IARS2: variants seen among roughly 807,000 people sequenced by gnomAD.
IARS2 encodes isoleucine--tRNA ligase, mitochondrial.
A neutral mutation model predicts 126.3 loss-of-function variants in IARS2; 56 were observed. That is an observed-to-expected ratio of 0.44 (90% CI 0.36 to 0.55). IARS2 has a LOEUF of 0.55. Among genes scored for constraint, IARS2 ranks in the 20% least tolerant of loss-of-function variants. The pLI is 0.00. For synonymous variants in IARS2, 407 were observed against 441.1 expected, an observed-to-expected ratio of 0.92 and a Z score of 0.97; for missense variants, 1,127 against 1,245.9, an observed-to-expected ratio of 0.90 and a Z score of 1.44.
intron 3 of IARS2, among the ~76,000 whole-genome samples, chr1:220,101,836 T>C (rs911489976): frequency 7.2e-5 from 11 of 152,046 alleles, no homozygotes; most frequent in African/African-American, 2.7e-4. Context: ...CCGTCTCTAC[T>C]AAAACTACAA....
chr1:220,101,145 A>G (rs1391402091), intron 3 of IARS2, among the ~76,000 whole-genome samples: 1 of 152,068 alleles, frequency 6.6e-6, no homozygotes, highest in African/African-American at 2.4e-5. Flanking sequence ...ACCTATTATC[A>G]TTGGCTTAGA....
At position 220,100,559 on chromosome 1, in the gene IARS2, G is replaced by A; in HGVS notation, c.460G>A (p.Asp154Asn). ...GSKIHFVPGW[D>N]CHGLPIEIKV... ...CAAAATACATTTTGTGCCCGGCTGG[G>A]ATTGTCATGGGTTGCCCATTGAAAT... The change falls in exon 3 of 23, where the codon GAT (aspartate) becomes AAT (asparagine). Residue 154 changes from aspartate (D) to asparagine (N), a missense_variant. Transcript: ENST00000366922. 6.2e-7 allele frequency: 1 copy of A among 1,613,452 alleles called. No homozygotes were observed. Among genetic ancestry groups the A allele is most frequent in the Non-Finnish European group, 8.5e-7 (1 of 1,179,604 alleles).
rs146704847 is a variant in IARS2, at chr1:220,115,719, GC to G, written c.1640+1246del. Among the ~76,000 whole-genome samples the G allele has an allele frequency of 2.3e-3, 350 of 152,004 alleles. 3 individuals carry two copies. Among genetic ancestry groups the G allele is most frequent in the East Asian group, 0.013 (69 of 5,190 alleles). ...AGAGAAGTTGCTTGGAAATCTGTGA[GC>G]TTTGGAGAATGGCAACTGAATTTGA... On this transcript the variant is annotated intron_variant, in intron 12 of 22. Coordinates refer to ENST00000366922, the MANE Select transcript of IARS2 (RefSeq NM_018060.4).
chr1:220,105,966 A>G lies in IARS2; in HGVS notation c.1142A>G (p.His381Arg), dbSNP rs371548673. 7 of 1,613,998 alleles carry G rather than the reference A, an allele frequency of 4.3e-6. No homozygotes were observed. In the African/African-American group the frequency reaches 8.0e-5, roughly 18 times the overall value. ...GCCTCTCCTCTTTTACCTGCAAATCATGTGACCATGGCAAAAGGAACGGGA... is the reference window on the plus strand; with the variant it reads ...GCCTCTCCTCTTTTACCTGCAAATCGTGTGACCATGGCAAAAGGAACGGGA... ...DKASPLLPAN[H>R]VTMAKGTGLV... The change falls in exon 9 of 23, where the codon CAT (histidine) becomes CGT (arginine). Residue 381 changes from histidine (H) to arginine (R), a missense_variant. By Grantham distance (29) the His-to-Arg change is conservative. Transcript: ENST00000366922.
chr1:220,121,285 A>G (rs1169702058), intron 12 of IARS2, among the ~76,000 whole-genome samples: 1 of 152,202 alleles, frequency 6.6e-6, no homozygotes, highest in African/African-American at 2.4e-5. Flanking sequence ...GACTTTTGTC[A>G]GTTTTTTTAA....
At chr1:220,132,431 A>G (rs1363219199) in intron 14 of IARS2, among the ~76,000 whole-genome samples, 1 of 151,510 alleles carries the variant, frequency 6.6e-6, no homozygotes, top group Non-Finnish European at 1.5e-5. Context: ...CATTTCCTCC[A>G]GGTTTTCCTA....
chr1:220,146,538 AAGC>A (rs1378478580), intron 22 of IARS2, among the ~76,000 whole-genome samples: 2 of 141,252 alleles, frequency 1.4e-5, no homozygotes, highest in South Asian at 2.4e-4. Context: ...AAAAAAAAAA[AAGC>A]AGGTATCTTA....
chr1:220,094,757 T>C (rs1416225631), intron 1 of IARS2, among the ~76,000 whole-genome samples: 1 of 152,214 alleles, frequency 6.6e-6, no homozygotes, highest in East Asian at 1.9e-4. Context: ...ATCGCACGTA[T>C]GTCCCATGTC....
In IARS2 at chr1:220,141,873, G is replaced by A. The variant is rs746326028; in HGVS notation, c.2485G>A (p.Val829Ile). 1 of 1,614,156 alleles carries A rather than the reference G, an allele frequency of 6.2e-7. No individual in the cohort carries two copies. The highest frequency in any genetic ancestry group is 1.1e-5 in the South Asian group (1 of 91,086). The change falls in exon 20 of 23, where the codon GTA becomes ATA. Residue 829 changes from valine (V) to isoleucine (I), a missense_variant. By Grantham distance (29) the Val-to-Ile change is conservative (BLOSUM62 3). Transcript: ENST00000366922. Reference sequence around the variant, plus strand: ...GACTGCATTAGTTGAAATTTTGGATGTAATAGTTCGTTCTTTTGCTCCCAT... The same window carrying A: ...GACTGCATTAGTTGAAATTTTGGATATAATAGTTCGTTCTTTTGCTCCCAT... ...CQTALVEILD[V>I]IVRSFAPILP...
At chr1:220,099,656 TTA>T (rs1215811069) in intron 2 of IARS2, among the ~76,000 whole-genome samples, 7 of 152,270 alleles carry the variant, frequency 4.6e-5, no homozygotes, top group African/African-American at 1.4e-4. Context: ...TTCATGGAGT[TTA>T]TGTTTTACAG....
Position 220,107,082 on chromosome 1 carries a change from G to A in IARS2, c.1258G>A (p.Gly420Arg), listed in dbSNP as rs2102820853. 6.2e-7 allele frequency: 1 copy of A among 1,612,126 alleles called. No homozygotes were observed. Among genetic ancestry groups the A allele is most frequent in the South Asian group, 1.1e-5 (1 of 91,028 alleles). Residue 420 changes from glycine (G) to arginine (R), a missense_variant, in exon 10 of 23, where the codon GGA becomes AGA. Gly to Arg is a moderately radical substitution (Grantham distance 125). Coordinates refer to ENST00000366922, the MANE Select transcript of IARS2 (RefSeq NM_018060.4). ...LPMDCLVDED[G>R]VFTDVAGPEL... is the part of the protein sequence containing the mutation. The stretch of plus-strand genomic sequence containing the variant: ...ATAGGATTGTCTAGTGGACGAAGAT[G>A]GAGTTTTCACAGATGTTGCAGGTCC...
At chr1:220,133,589 G>A (rs1657311940) in intron 14 of IARS2, among the ~76,000 whole-genome samples, 1 of 152,158 alleles carries the variant, frequency 6.6e-6, no homozygotes, top group Non-Finnish European at 1.5e-5. Context: ...TGGGGGCTTT[G>A]AGAGTTGTGA....
chr1:220,143,563 C>T (rs1027886421), intron 21 of IARS2, among the ~76,000 whole-genome samples: 23 of 152,028 alleles, frequency 1.5e-4, no homozygotes, highest in Non-Finnish European at 1.5e-5. Context: ...ATTTAGAAGA[C>T]AGGGGACATA....
chr1:220,139,750 TA>T (rs71560602), intron 18 of IARS2, among the ~76,000 whole-genome samples: 238 of 147,156 alleles, frequency 1.6e-3, no homozygotes, highest in African/African-American at 4.7e-3. Context: ...GACCCTGTCT[TA>T]AAAAAAAAAA....
intron 17 of IARS2, 35 bp from the exon 18 acceptor site, chr1:220,138,971 ATT>A (rs1213708970): frequency 6.3e-7 from 1 of 1,585,094 alleles, no homozygotes; most frequent in Non-Finnish European, 8.6e-7. Flanking sequence ...GCACCATTAG[ATT>A]TTTTTAACTG....
chr1:220,107,834 T>G (rs1338935414), intron 10 of IARS2, among the ~76,000 whole-genome samples: 1 of 152,228 alleles, frequency 6.6e-6, no homozygotes, highest in Non-Finnish European at 1.5e-5. Context: ...CTGGAAATCC[T>G]TGGCATTCCT....
At chr1:220,094,551 C>T in intron 1 of IARS2, 68 bp downstream of exon 1, 1 of 1,336,662 alleles carries the variant, frequency 7.5e-7, no homozygotes, top group Non-Finnish European at 1.0e-6. Context: ...CGGGCGCTCG[C>T]AGGCGCCACA....
intron 14 of IARS2, among the ~76,000 whole-genome samples, chr1:220,127,826 G>T (rs936384746): frequency 6.6e-6 from 1 of 152,162 alleles, no homozygotes; most frequent in African/African-American, 2.4e-5. Context: ...CAAGTAAAAT[G>T]TGCGTAATAA....
chr1:220,097,257 C>G (rs1414901190), intron 2 of IARS2, among the ~76,000 whole-genome samples: 1 of 151,864 alleles, frequency 6.6e-6, no homozygotes, highest in South Asian at 2.1e-4. Context: ...GTTTCTGTCT[C>G]TCACTCTTTG....
Sources: gnomAD v4.1 joint callset for allele counts (sites outside exome capture counted in the v4.1 genomes callset) on GRCh38, gnomAD v4.1.1 for gene constraint, MANE v1.5 for transcripts, NCBI Gene and HGNC (gene_info 2026-07-23, HGNC 2026-07-21) for gene names.